LPP: variants seen among roughly 807,000 people sequenced by gnomAD.
LPP encodes LIM domain containing preferred translocation partner in lipoma.
Under a neutral mutation model 60.4 loss-of-function variants are expected in LPP, and 38 were observed. The observed-to-expected ratio is 0.63, with a 90% CI of 0.49 to 0.83. The LOEUF (loss-of-function observed/expected upper bound fraction) is 0.83. Among genes scored for constraint, LPP ranks in the 40% least tolerant of loss-of-function variants. LPP has a pLI of 0.00. For missense variants in LPP, 902 were observed against 783.6 expected (o/e 1.15, Z -1.80); for synonymous variants, 328 against 290.8 (o/e 1.13, Z -1.30).
At chr3:188,353,402 AC>A (rs1320922874) in intron 3 of LPP, among the ~76,000 whole-genome samples, 1 of 152,138 alleles carries the variant, frequency 6.6e-6, no homozygotes, top group Non-Finnish European at 1.5e-5. Context: ...AAATGTTCTC[AC>A]CGAATTAGAT....
intron 2 of LPP, among the ~76,000 whole-genome samples, chr3:188,335,087 A>G (rs1405472667): frequency 1.3e-5 from 2 of 152,206 alleles, no homozygotes; most frequent in Non-Finnish European, 2.9e-5. Flanking sequence ...AAAAGTGGTA[A>G]AAGTGAGCAT....
At chr3:188,376,396 G>A (rs562054503) in intron 3 of LPP, among the ~76,000 whole-genome samples, 59 of 152,188 alleles carry the variant, frequency 3.9e-4, no homozygotes, top group African/African-American at 6.5e-4. Context: ...CTCCTATATT[G>A]GGTGCATATA....
rs191243139 is a variant in LPP at position 188,789,986 on chromosome 3, C to T, written c.1410+29704C>T. On this transcript the variant is annotated intron_variant, in intron 9 of 11. Coordinates refer to ENST00000617246, the MANE Select transcript of LPP (RefSeq NM_001375462.1). ...GGAGTACAAATTAATACAACCTTTTCGAAACAAAATTTAGCACTATCTTTC... is the reference window on the plus strand; with the variant it reads ...GGAGTACAAATTAATACAACCTTTTTGAAACAAAATTTAGCACTATCTTTC... Among the ~76,000 whole-genome samples, 238 of 152,218 alleles carry T rather than the reference C, an allele frequency of 1.6e-3. 1 individual carries two copies. The highest frequency in any genetic ancestry group is 5.4e-3 in the African/African-American group (223 of 41,540).
At chr3:188,598,982 C>T (rs1840531125) in intron 6 of LPP, among the ~76,000 whole-genome samples, 1 of 152,122 alleles carries the variant, frequency 6.6e-6, no homozygotes, top group African/African-American at 2.4e-5. Flanking sequence ...GGAGATGCTT[C>T]AGCAAACGAG....
At chr3:188,237,354 C>T (rs963247506) in intron 2 of LPP, among the ~76,000 whole-genome samples, 1 of 152,180 alleles carries the variant, frequency 6.6e-6, no homozygotes, top group African/African-American at 2.4e-5. Context: ...CCTGTTAATG[C>T]TGATATTTTG....
intron 2 of LPP, among the ~76,000 whole-genome samples, chr3:188,284,599 T>G (rs1743269263): frequency 6.6e-6 from 1 of 152,092 alleles, no homozygotes; most frequent in Admixed American, 6.6e-5. Context: ...GAAGGGATGG[T>G]CTGGGATGTG....
At chr3:188,224,949 G>GT (rs1231228735) in intron 1 of LPP, among the ~76,000 whole-genome samples, 2 of 151,498 alleles carry the variant, frequency 1.3e-5, no homozygotes, top group Non-Finnish European at 2.9e-5. Flanking sequence ...ACTGGGAAAT[G>GT]TCAAGATTGT....
intron 4 of LPP, among the ~76,000 whole-genome samples, chr3:188,473,141 T>A (rs1297946124): frequency 1.3e-5 from 2 of 152,180 alleles, no homozygotes; most frequent in East Asian, 3.9e-4. Context: ...TAACTTTTTA[T>A]TCTGAAATAA....
chr3:188,523,017 C>T (rs771507727), intron 5 of LPP, among the ~76,000 whole-genome samples: 1 of 151,890 alleles, frequency 6.6e-6, no homozygotes, highest in African/African-American at 2.4e-5. Context: ...AAGCTATTCT[C>T]CTGCCTCAGC....
At chr3:188,675,955 A>G (rs1239884038) in intron 7 of LPP, among the ~76,000 whole-genome samples, 3 of 152,038 alleles carry the variant, frequency 2.0e-5, no homozygotes, top group Non-Finnish European at 4.4e-5. Flanking sequence ...TTCTGTTTTA[A>G]GTTTTGGTGA....
In LPP at chr3:188,786,382, C is replaced by CAAAAA. The variant is rs57565042; in HGVS notation, c.1410+26125_1410+26129dup. Reference sequence around the variant, plus strand: ...TGGGCAACAGCGTGAGACTCCGTCTCAAAAAAAAAAAAAAAAAAAAAAAAA... The same window carrying CAAAAA: ...TGGGCAACAGCGTGAGACTCCGTCTCAAAAAAAAAAAAAAAAAAAAAAAAAAAAAA... On this transcript the variant is annotated intron_variant, in intron 9 of 11. Coordinates refer to ENST00000617246, the MANE Select transcript of LPP (RefSeq NM_001375462.1). Among the ~76,000 whole-genome samples, 300 of 76,618 alleles carry CAAAAA rather than the reference C, an allele frequency of 3.9e-3. 16 individuals carry two copies. Among genetic ancestry groups the CAAAAA allele is most frequent in the Non-Finnish European group, 6.1e-3 (230 of 37,990 alleles). The allele number at this position is 76,618 out of a possible 152,430, so 50.3% of individuals were successfully genotyped here. A position where few individuals can be genotyped will look rare whatever the true frequency, so the allele number is the denominator to read the frequency against.
Position 188,854,399 on chromosome 3 carries a change from G to T in LPP, c.1411-11801G>T, listed in dbSNP as rs945702659. Among the ~76,000 whole-genome samples the T allele has an allele frequency of 2.6e-5, 4 of 152,314 alleles. No homozygotes were observed. In the South Asian group the frequency reaches 6.2e-4, roughly 24 times the overall value. On this transcript the variant is annotated intron_variant, in intron 9 of 11. Coordinates refer to ENST00000617246, the MANE Select transcript of LPP (RefSeq NM_001375462.1). ...CTCATGAGGTTTAATTCTCATGAATGGGTCCTAGAGCCGACATTTGACATA... is the reference window on the plus strand; with the variant it reads ...CTCATGAGGTTTAATTCTCATGAATTGGTCCTAGAGCCGACATTTGACATA...
At chr3:188,370,609 G>C (rs73050721) in intron 3 of LPP, among the ~76,000 whole-genome samples, 1,696 of 152,310 alleles carry the variant, frequency 0.011, 28 homozygotes, top group African/African-American at 0.037. Context: ...GTGTCTCACA[G>C]TTTACGCAAT....
intron 6 of LPP, among the ~76,000 whole-genome samples, chr3:188,548,827 G>A (rs1827325778): frequency 6.6e-6 from 1 of 152,156 alleles, no homozygotes; most frequent in Non-Finnish European, 1.5e-5. Context: ...ATAAAATGCT[G>A]CATGTTTCAA....
chr3:188,665,307 C>G (rs993962702), intron 7 of LPP, among the ~76,000 whole-genome samples: 2 of 151,992 alleles, frequency 1.3e-5, no homozygotes, highest in Non-Finnish European at 2.9e-5. Context: ...GTCACAAAAT[C>G]TAAAAACTGG....
chr3:188,516,531 T>G (rs1419119597), intron 5 of LPP, among the ~76,000 whole-genome samples: 1 of 151,968 alleles, frequency 6.6e-6, no homozygotes, highest in South Asian at 2.1e-4. Context: ...ACCATATATA[T>G]GACATAATAT....
intron 2 of LPP, among the ~76,000 whole-genome samples, chr3:188,334,006 C>G (rs892614020): frequency 6.6e-6 from 1 of 152,174 alleles, no homozygotes; most frequent in Admixed American, 6.5e-5. Flanking sequence ...CATTTACCAA[C>G]CTTTGGCTAT....
intron 2 of LPP, among the ~76,000 whole-genome samples, chr3:188,283,891 C>T (rs1283673252): frequency 3.3e-5 from 5 of 151,916 alleles, no homozygotes; most frequent in East Asian, 3.9e-4. Context: ...GCAGGAGAAT[C>T]GCTTGAACCC....
intron 2 of LPP, among the ~76,000 whole-genome samples, chr3:188,249,884 CAT>C (rs71167082): frequency 0.32 from 37,392 of 116,974 alleles, 6,004 homozygotes; most frequent in Middle Eastern, 0.42. Flanking sequence ...TCCCCCACCC[CAT>C]ATATATATAT....
Sources: allele counts gnomAD v4.1 joint callset (sites outside exome capture counted in the v4.1 genomes callset), GRCh38; gene constraint gnomAD v4.1.1; transcripts MANE v1.5; gene names NCBI Gene and HGNC (gene_info 2026-07-23, HGNC 2026-07-21).